The following ZNF565 variants were observed in gnomAD, a reference collection of about 807,000 sequenced individuals.
The protein encoded by ZNF565 is zinc finger protein 565.
A neutral mutation model predicts 39.4 loss-of-function variants in ZNF565; 27 were observed. The observed-to-expected ratio is 0.69, with a 90% confidence interval of 0.51 to 0.95. ZNF565 has a LOEUF of 0.95. Ranked by LOEUF, ZNF565 falls within the 40% of genes least tolerant of loss-of-function variation. The pLI is 0.00. For missense variants in ZNF565, 524 were observed against 621.1 expected (o/e 0.84, Z 1.66); for synonymous variants, 185 against 216.6 (o/e 0.85, Z 1.28).
At chr19:36,198,252 T>C (rs1011561760) in intron 2 of ZNF565, among the ~76,000 whole-genome samples, 1 of 152,050 alleles carries the variant, frequency 6.6e-6, no homozygotes, top group Admixed American at 6.6e-5. Context: ...TGTCAACAGA[T>C]GAATGGATAA....
chr19:36,241,988 A>G (rs1977809472), intron 1 of ZNF565, among the ~76,000 whole-genome samples: 1 of 152,238 alleles, frequency 6.6e-6, no homozygotes, highest in South Asian at 2.1e-4. Flanking sequence ...AATACCAAAT[A>G]TAATACCAAA....
Position 36,183,782 on chromosome 19 carries a change from G to A in ZNF565, c.233-49C>T, listed in dbSNP as rs767881216. On this transcript the variant is annotated intron_variant, in intron 4 of 4. Transcript: ENST00000304116. ...TACAAGCTGTGATCCTTCTCTATGA[G>A]AAATAAAAAATTCTATAGTAGAGGC... 2.0e-6 allele frequency: 3 copies of A among 1,528,198 alleles called. No homozygotes were observed. In the East Asian group the frequency reaches 6.8e-5, roughly 34 times the overall value. 94.7% of individuals were successfully genotyped at this position (1,528,198 alleles called of 1,614,324 possible). A position where few individuals can be genotyped will look rare whatever the true frequency, so the allele number is the denominator to read the frequency against.
upstream of ZNF565, among the ~76,000 whole-genome samples, chr19:36,217,158 G>A (rs898637399): frequency 1.5e-5 from 2 of 135,952 alleles, no homozygotes; most frequent in African/African-American, 2.7e-5. Context: ...TGCCCCCCAG[G>A]TTCAAGCGAT....
Position 36,200,576 on chromosome 19 carries a change from C to T in ZNF565, c.9+1401G>A, listed in dbSNP as rs540237433. Among the ~76,000 whole-genome samples, 3 of 151,408 alleles carry T rather than the reference C, an allele frequency of 2.0e-5. No individual in the cohort carries two copies. In the East Asian group the frequency reaches 5.8e-4, roughly 29 times the overall value. On this transcript the variant is annotated intron_variant, in intron 2 of 4. Transcript: ENST00000304116. ...TAATCTCGGCTCACTGCAACCTCTG[C>T]CTCCTAGGTTCAAGCGATTCTCCTG... is the stretch of plus-strand genomic sequence containing the variant.
At chr19:36,241,401 T>C (rs1410759725) in intron 1 of ZNF565, among the ~76,000 whole-genome samples, 1 of 150,950 alleles carries the variant, frequency 6.6e-6, no homozygotes, top group Non-Finnish European at 1.5e-5. Context: ...GGAGAATCGC[T>C]TGAACCCAGG....
At chr19:36,227,302 T>C (rs924017866) in intron 1 of ZNF565, among the ~76,000 whole-genome samples, 3 of 148,814 alleles carry the variant, frequency 2.0e-5, no homozygotes, top group Non-Finnish European at 3.0e-5. Context: ...GGCAGGAGAA[T>C]GGCTTGAACC....
chr19:36,182,362 G>T lies in ZNF565; in HGVS notation c.*104C>A. ...CTGATGTTCTATGATGGAAGTGACAGGTGTTTTCTGACATTAATTACACTA... is the reference window on the plus strand; with the variant it reads ...CTGATGTTCTATGATGGAAGTGACATGTGTTTTCTGACATTAATTACACTA... On this transcript the variant is annotated 3_prime_UTR_variant, in exon 5 of 5. Transcript: ENST00000304116. 1 of 923,086 alleles carries T rather than the reference G, an allele frequency of 1.1e-6. No individual in the cohort carries two copies. The highest frequency in any genetic ancestry group is 1.5e-6 in the Non-Finnish European group (1 of 655,552). The allele number at this position is 923,086 out of a possible 1,614,324, so 57.2% of individuals were successfully genotyped here.
chr19:36,216,478 T>TA (rs909051358), upstream of ZNF565, among the ~76,000 whole-genome samples: 12 of 150,652 alleles, frequency 8.0e-5, no homozygotes, highest in East Asian at 5.8e-4. Context: ...CTGTCTCTAC[T>TA]AAAAAAAAAT....
In ZNF565 at chr19:36,240,792, C is replaced by G. The variant is rs1246932096; in HGVS notation, c.55+4684G>C. On this transcript the variant is annotated intron_variant, in intron 1 of 4. Transcript: ENST00000355114. The stretch of plus-strand genomic sequence containing the variant: ...GCTGAGGCAGGAGAATTGCTCCAAC[C>G]CAGGAGGCAGAGGTTTGCAGTGAGC... Among the ~76,000 whole-genome samples the G allele has an allele frequency of 2.6e-5, 4 of 151,984 alleles. No homozygotes were observed. The East Asian group carries it at 7.8e-4, about 29-fold the overall frequency.
At chr19:36,218,045 T>C (rs1976685092), upstream of ZNF565, 1 of 151,608 alleles carries the variant, frequency 6.6e-6, no homozygotes, top group African/African-American at 2.4e-5. Context: ...CCTCATGTGA[T>C]CTGCCTGCCT....
chr19:36,216,392 G>C (rs964744637), upstream of ZNF565, among the ~76,000 whole-genome samples: 1 of 152,102 alleles, frequency 6.6e-6, no homozygotes, highest in African/African-American at 2.4e-5. Context: ...TGTAATCCTA[G>C]CACTTTGGGA....
At chr19:36,215,689 G>T (rs1976572451), upstream of ZNF565, among the ~76,000 whole-genome samples, 1 of 151,732 alleles carries the variant, frequency 6.6e-6, no homozygotes, top group African/African-American at 2.4e-5. Flanking sequence ...AGAGTGTTTC[G>T]AAGGAACTTT....
intron 1 of ZNF565, among the ~76,000 whole-genome samples, 178 bp from the exon 2 acceptor site, chr19:36,202,228 A>G (rs1373248752): frequency 6.6e-6 from 1 of 152,078 alleles, no homozygotes; most frequent in Non-Finnish European, 1.5e-5. Flanking sequence ...TTGGCCAGGC[A>G]TGGTGGCTCA....
upstream of ZNF565, among the ~76,000 whole-genome samples, chr19:36,215,812 C>A (rs1376518840): frequency 6.6e-6 from 1 of 152,050 alleles, no homozygotes; most frequent in African/African-American, 2.4e-5. Flanking sequence ...AGAAGCAATC[C>A]CATATAACGG....
chr19:36,195,110 T>C lies in ZNF565; in HGVS notation c.56A>G (p.Glu19Gly). 6.2e-7 allele frequency: 1 copy of C among 1,614,140 alleles called. No homozygotes were observed. The highest frequency in any genetic ancestry group is 1.1e-5 in the South Asian group (1 of 91,076). ...CTGAGCAGGTTCCAGGCACTTCCAT[T>C]CTTCCAGAGAGAACTCTATGGCCAC... ...RDVAIEFSLE[E>G]WKCLEPAQRD... The change falls in exon 3 of 5, where the codon GAA becomes GGA. Residue 19 changes from glutamate (E) to glycine (G), a missense_variant. Coordinates refer to ENST00000304116, the MANE Select transcript of ZNF565 (RefSeq NM_152477.5).
At chr19:36,205,958 T>G (rs1976134933) in intron 1 of ZNF565, among the ~76,000 whole-genome samples, 3 of 126,110 alleles carry the variant, frequency 2.4e-5, no homozygotes, top group African/African-American at 1.3e-4. Flanking sequence ...TCACATTCTG[T>G]TTTTTTTTTT....
Position 36,234,660 on chromosome 19 carries a change from G to A in ZNF565, c.55+10816C>T, listed in dbSNP as rs535121160. ...GATCCGCCCACCTCGGCCTCCCAAC[G>A]TGCTGGGATTACAGGCGTGAGCCAC... On this transcript the variant is annotated intron_variant, in intron 1 of 4. Coordinates refer to the ZNF565 transcript ENST00000355114. Among the ~76,000 whole-genome samples the A allele has an allele frequency of 5.1e-3, 778 of 152,240 alleles. 11 individuals carry two copies. The highest frequency in any genetic ancestry group is 0.017 in the African/African-American group (696 of 41,546).
rs1273553762 is a variant in ZNF565, at chr19:36,182,678, GA to G, written c.1287del (p.Arg430ValfsTer5). ...TGATGATGAGTCAGTTGTGAAACACGAATAAAGGCCTTCCCACATTCCTTAC... is the reference window on the plus strand; with the variant it reads ...TGATGATGAGTCAGTTGTGAAACACGATAAAGGCCTTCCCACATTCCTTAC... ...YECKECGKAFIRVSQLTHHQR... is the reference protein window; with the variant it reads ...YECKECGKAFXRVSQLTHHQR... On this transcript the variant is annotated frameshift_variant, in exon 5 of 5. Coordinates refer to ENST00000304116, the MANE Select transcript of ZNF565 (RefSeq NM_152477.5). LOFTEE classifies it high-confidence loss of function. 4 of 1,614,046 alleles carry G rather than the reference GA, an allele frequency of 2.5e-6. No individual in the cohort carries two copies. The highest frequency in any genetic ancestry group is 3.4e-6 in the Non-Finnish European group (4 of 1,180,038).
chr19:36,231,784 T>G (rs1171754028), intron 1 of ZNF565, among the ~76,000 whole-genome samples: 2 of 152,068 alleles, frequency 1.3e-5, no homozygotes, highest in African/African-American at 2.4e-5. Context: ...CACTAAGCTC[T>G]CTTTAATAGA....
Sources: gnomAD v4.1 joint callset for allele counts (sites outside exome capture counted in the v4.1 genomes callset) on GRCh38, gnomAD v4.1.1 for gene constraint, MANE v1.5 for transcripts, NCBI Gene and HGNC (gene_info 2026-07-23, HGNC 2026-07-21) for gene names.